Variants in SLC35F5 observed in about 807,000 individuals in gnomAD.
SLC35F5 encodes HCV NS5A-transactivated protein 3.
A neutral mutation model predicts 68.6 loss-of-function variants in SLC35F5; 54 were observed. The observed-to-expected ratio is 0.79, with a 90% confidence interval of 0.63 to 0.99. The LOEUF is 0.99. Ranked by LOEUF, SLC35F5 falls within the 50% of genes least tolerant of loss-of-function variation. SLC35F5 has a pLI of 0.00. For synonymous variants in SLC35F5, 211 were observed against 205.2 expected (o/e 1.03, Z -0.24); for missense variants, 567 against 626.9 (o/e 0.90, Z 1.02).
At chr2:113,725,729 G>C (rs1687636662) in intron 11 of SLC35F5, 192 bp from the exon 12 acceptor site, 1 of 464,928 alleles carries the variant, frequency 2.2e-6, no homozygotes, top group Non-Finnish European at 3.8e-6. Context: ...ACTGTCTGAA[G>C]CAACTGGTGA....
rs143010470 is a variant in SLC35F5 at position 113,753,162 on chromosome 2, G to GTTTTTTTTTT, written c.273+2002_273+2003insAAAAAAAAAA. On this transcript the variant is annotated intron_variant, in intron 3 of 15. Coordinates refer to ENST00000245680, the MANE Select transcript of SLC35F5 (RefSeq NM_025181.5). ...AATACACACTTTATCTCCAAAGTTT[G>GTTTTTTTTTT]TTTTTCTTTTTTTTTTTTTTTTTTT... 6.1e-4 allele frequency among the ~76,000 whole-genome samples: 31 copies of GTTTTTTTTTT among 50,542 alleles called. 1 individual carries two copies. The highest frequency in any genetic ancestry group is 8.8e-4 in the Non-Finnish European group (22 of 25,016). The allele number at this position is 50,542 out of a possible 152,430, so 33.2% of individuals were successfully genotyped here. A position where few individuals can be genotyped will look rare whatever the true frequency, so the allele number is the denominator to read the frequency against.
chr2:113,742,490 T>C (rs2104462121), intron 7 of SLC35F5: 1 of 594,226 alleles, frequency 1.7e-6, no homozygotes, highest in East Asian at 2.8e-5. Flanking sequence ...TTATAGGACT[T>C]AATGAATTCT....
intron 7 of SLC35F5, among the ~76,000 whole-genome samples, chr2:113,740,814 A>G (rs1285129805): frequency 2.6e-5 from 4 of 152,032 alleles, no homozygotes; most frequent in Non-Finnish European, 1.5e-5. Context: ...TTTAGTAGAG[A>G]TGGGGTTTCA....
Position 113,708,829 on chromosome 2 carries a change from A to G in SLC35F5, c.*6389T>C, listed in dbSNP as rs897599624. On this transcript the variant is annotated 3_prime_UTR_variant, in exon 16 of 16. Coordinates refer to ENST00000245680, the MANE Select transcript of SLC35F5 (RefSeq NM_025181.5). ...GATTTGATGCTGTCTGAAAATCAAG[A>G]TCAAGCAGGTGATGAAAACTATACC... Among the ~76,000 whole-genome samples the G allele has an allele frequency of 2.0e-5, 3 of 152,016 alleles. No homozygotes were observed. Among genetic ancestry groups the G allele is most frequent in the African/African-American group, 7.2e-5 (3 of 41,402 alleles).
chr2:113,735,258 A>C (rs1175657500), intron 8 of SLC35F5, among the ~76,000 whole-genome samples: 2 of 152,248 alleles, frequency 1.3e-5, no homozygotes, highest in Admixed American at 1.3e-4. Flanking sequence ...TAAATAGCAC[A>C]GGCTAAGGCA....
chr2:113,742,993 C>A, intron 6 of SLC35F5, 114 bp from the exon 7 acceptor site: 3 of 959,416 alleles, frequency 3.1e-6, no homozygotes, highest in Admixed American at 2.9e-5. Flanking sequence ...GTAAGACAGT[C>A]AAAGTAAACC....
downstream of SLC35F5, among the ~76,000 whole-genome samples, chr2:113,706,657 CAAG>C (rs934295134): frequency 3.3e-5 from 5 of 152,158 alleles, no homozygotes; most frequent in South Asian, 2.1e-4. Flanking sequence ...ATGTGCTCCA[CAAG>C]AAGACCTACT....
chr2:113,728,672 A>C (rs575147762), intron 11 of SLC35F5, among the ~76,000 whole-genome samples: 49 of 152,342 alleles, frequency 3.2e-4, no homozygotes, highest in Non-Finnish European at 5.9e-4. Flanking sequence ...AAGTTACAAC[A>C]GCTGGATTCC....
rs769700552 is a variant in SLC35F5 at position 113,743,778 on chromosome 2, A to G, written c.497T>C (p.Val166Ala). Reference protein sequence around the residue: ...MNSSLSEPLYVPVKFHDLPSE... With the variant: ...MNSSLSEPLYAPVKFHDLPSE... ...TGGAAGATCATGGAATTTCACAGGC[A>G]CATACAGAGGTTCACTCTGGAATGT... Residue 166 changes from valine (V) to alanine (A), a missense_variant, in exon 6 of 16, where the codon GTG becomes GCG. By Grantham distance (64) the Val-to-Ala change is moderately conservative. Transcript: ENST00000245680. 1.2e-6 allele frequency: 2 copies of G among 1,609,660 alleles called. No homozygotes were observed. The highest frequency in any genetic ancestry group is 1.7e-6 in the Non-Finnish European group (2 of 1,177,590).
rs1198006224 is a variant in SLC35F5 at position 113,708,796 on chromosome 2, T to C, written c.*6422A>G. Among the ~76,000 whole-genome samples, 1 of 152,214 alleles carries C rather than the reference T, an allele frequency of 6.6e-6. No homozygotes were observed. Among genetic ancestry groups the C allele is most frequent in the Non-Finnish European group, 1.5e-5 (1 of 68,042 alleles). On this transcript the variant is annotated 3_prime_UTR_variant, in exon 16 of 16. Transcript: ENST00000245680. Reference sequence around the variant, plus strand: ...CTCAAAATTTTAGCTTGGATTTGTTTTGCAACTGATTTGATGCTGTCTGAA... The same window carrying C: ...CTCAAAATTTTAGCTTGGATTTGTTCTGCAACTGATTTGATGCTGTCTGAA...
intron 12 of SLC35F5, among the ~76,000 whole-genome samples, chr2:113,724,478 A>G (rs1687581860): frequency 6.6e-6 from 1 of 152,194 alleles, no homozygotes; most frequent in Admixed American, 6.5e-5. Flanking sequence ...AATTACTACA[A>G]TACAAAGTAA....
intron 15 of SLC35F5, among the ~76,000 whole-genome samples, chr2:113,715,617 C>T (rs1459140636): frequency 6.6e-6 from 1 of 152,058 alleles, no homozygotes; most frequent in Non-Finnish European, 1.5e-5. Context: ...GCACAGCATA[C>T]CCAAGAAAAA....
intron 7 of SLC35F5, among the ~76,000 whole-genome samples, chr2:113,741,555 G>C (rs1676275747): frequency 6.6e-6 from 1 of 152,078 alleles, no homozygotes; most frequent in Non-Finnish European, 1.5e-5. Context: ...TACAAAATTA[G>C]CTGGGTGTGG....
rs1018251753 is a variant in SLC35F5, at chr2:113,743,030, C to A, written c.563-151G>T. 3 of 685,840 alleles carry A rather than the reference C, an allele frequency of 4.4e-6. No individual in the cohort carries two copies. The African/African-American group carries it at 5.4e-5, about 12-fold the overall frequency. 42.5% of individuals were successfully genotyped at this position (685,840 alleles called of 1,614,324 possible). ...AAAAGAGGTATATCATTACCTGAGA[C>A]AACTTTGTTCACTTAAAAGAGTTAA... On this transcript the variant is annotated intron_variant, in intron 6 of 15. Coordinates refer to ENST00000245680, the MANE Select transcript of SLC35F5 (RefSeq NM_025181.5).
In SLC35F5 at chr2:113,756,468, A is replaced by G. The variant is rs536549494; in HGVS notation, c.-59T>C. 1.3e-5 allele frequency: 20 copies of G among 1,532,752 alleles called. No individual in the cohort carries two copies. In the African/African-American group the frequency reaches 2.2e-4, roughly 17 times the overall value. The allele number at this position is 1,532,752 out of a possible 1,614,324, so 94.9% of individuals were successfully genotyped here. On this transcript the variant is annotated 5_prime_UTR_variant, in exon 1 of 16. Coordinates refer to ENST00000245680, the MANE Select transcript of SLC35F5 (RefSeq NM_025181.5). ...GCCACGGCCGCGGCCTCGGACTCAC[A>G]GAGCTGTCACCGCGCCTGACATCGC...
intron 11 of SLC35F5, among the ~76,000 whole-genome samples, chr2:113,728,876 G>A (rs1250964364): frequency 6.6e-6 from 1 of 152,164 alleles, no homozygotes; most frequent in African/African-American, 2.4e-5. Context: ...AACTATAATT[G>A]GGTAATTTGA....
chr2:113,738,479 C>CTA (rs1412032281), intron 7 of SLC35F5, among the ~76,000 whole-genome samples: 5 of 151,908 alleles, frequency 3.3e-5, no homozygotes, highest in African/African-American at 9.6e-5. Flanking sequence ...TGAAAATGTA[C>CTA]TATATATATA....
intron 8 of SLC35F5, among the ~76,000 whole-genome samples, 195 bp downstream of exon 8, chr2:113,735,582 A>G (rs139117902): frequency 2.0e-5 from 3 of 152,362 alleles, no homozygotes; most frequent in Non-Finnish European, 4.4e-5. Flanking sequence ...TCATATATGC[A>G]GTCTGTTGTA....
At chr2:113,756,194 G>T in intron 1 of SLC35F5, 176 bp downstream of exon 1, 1 of 1,477,056 alleles carries the variant, frequency 6.8e-7, no homozygotes, top group South Asian at 1.3e-5. Flanking sequence ...AATTGCCAGC[G>T]GTGGGCGCAG....
Sources: allele counts gnomAD v4.1 joint callset (sites outside exome capture counted in the v4.1 genomes callset), GRCh38; gene constraint gnomAD v4.1.1; transcripts MANE v1.5; gene names NCBI Gene and HGNC (gene_info 2026-07-23, HGNC 2026-07-21).